PCDHA8: variants seen among roughly 807,000 people sequenced by gnomAD.
PCDHA8 encodes protocadherin alpha-8.
Under a neutral mutation model 61.8 loss-of-function variants are expected in PCDHA8, and 53 were observed. The ratio of observed to expected loss-of-function variants is 0.86; its 90% confidence interval spans 0.69 to 1.08. The LOEUF is 1.08. Ranked by LOEUF, PCDHA8 falls within the 50% of genes least tolerant of loss-of-function variation. The pLI is 0.00. For synonymous variants in PCDHA8, 618 were observed against 556.6 expected, an observed-to-expected ratio of 1.11 and a Z score of -1.55; for missense variants, 1,293 against 1,245.0, an observed-to-expected ratio of 1.04 and a Z score of -0.58.
rs199814121 is a variant in PCDHA8, at chr5:140,884,467, G to T, written c.2394+40752G>T. 3.9e-5 allele frequency: 63 copies of T among 1,613,778 alleles called. No individual in the cohort carries two copies. In the East Asian group the frequency reaches 1.3e-3, roughly 33 times the overall value. The stretch of plus-strand genomic sequence containing the variant: ...CACCGCCCACCGAGGGCGCGTGCGC[G>T]CCGGGCAAGCCCACTCTAGTGTGCT... On this transcript the variant is annotated intron_variant, in intron 1 of 3. Transcript: ENST00000531613.
chr5:140,901,331 G>A (rs545187943), intron 1 of PCDHA8, among the ~76,000 whole-genome samples: 66 of 152,062 alleles, frequency 4.3e-4, no homozygotes, highest in Non-Finnish European at 7.1e-4. Flanking sequence ...TCTTGTAGTC[G>A]TTTTATAGTT....
chr5:140,884,192 G>A, intron 1 of PCDHA8: 1 of 1,613,428 alleles, frequency 6.2e-7, no homozygotes, highest in Non-Finnish European at 8.5e-7. Context: ...CGAGGTGGAC[G>A]CGCCGCACCA....
At chr5:140,884,456 G>T in intron 1 of PCDHA8, 2 of 1,613,768 alleles carry the variant, frequency 1.2e-6, no homozygotes, top group Non-Finnish European at 1.7e-6. Context: ...GCCCACCGAG[G>T]GCGCGTGCGC....
At chr5:140,865,173 T>C (rs1230117656) in intron 1 of PCDHA8, 1 of 152,234 alleles carries the variant, frequency 6.6e-6, no homozygotes, top group African/African-American at 2.4e-5. Context: ...TGATGCAAAA[T>C]ATTTTTTGCC....
chr5:140,858,413 A>G lies in PCDHA8; in HGVS notation c.2394+14698A>G, dbSNP rs150984635. 3.9e-4 allele frequency: 609 copies of G among 1,562,348 alleles called. 39 individuals are homozygous for G. The African/African-American group carries it at 7.5e-3, about 19-fold the overall frequency. On this transcript the variant is annotated intron_variant, in intron 1 of 3. Transcript: ENST00000531613. Reference sequence around the variant, plus strand: ...AGATGTGGACGGGGAAGATCAGTCTATTGGAGGGGACCACTCTAGGAAGGT... The same window carrying G: ...AGATGTGGACGGGGAAGATCAGTCTGTTGGAGGGGACCACTCTAGGAAGGT...
intron 1 of PCDHA8, among the ~76,000 whole-genome samples, chr5:140,908,703 C>T (rs751488038): frequency 5.9e-5 from 9 of 152,318 alleles, no homozygotes; most frequent in Non-Finnish European, 1.3e-4. Flanking sequence ...ACCTCAAGCA[C>T]CATTGGATCT....
intron 3 of PCDHA8, among the ~76,000 whole-genome samples, chr5:141,000,542 C>T (rs1331109215): frequency 6.7e-6 from 1 of 148,268 alleles, no homozygotes; most frequent in Non-Finnish European, 1.5e-5. Context: ...ATTCTCATGC[C>T]TCAAACTCCC....
At chr5:140,852,280 G>T in intron 1 of PCDHA8, 1 of 510,402 alleles carries the variant, frequency 2.0e-6, no homozygotes, top group Non-Finnish European at 2.6e-6. Flanking sequence ...CATGTTTTTT[G>T]TCTTTTTATT....
At chr5:140,902,189 C>T (rs2069172292) in intron 1 of PCDHA8, among the ~76,000 whole-genome samples, 1 of 145,890 alleles carries the variant, frequency 6.9e-6, no homozygotes, top group African/African-American at 2.6e-5. Flanking sequence ...TATGTCTTCT[C>T]TCTCTCTCTC....
intron 1 of PCDHA8, among the ~76,000 whole-genome samples, chr5:140,895,742 G>T (rs2065139471): frequency 6.6e-6 from 1 of 152,110 alleles, no homozygotes; most frequent in South Asian, 2.1e-4. Context: ...GGGCTGCAAA[G>T]GGCATGATCT....
At chr5:140,938,476 T>A (rs1393084209) in intron 1 of PCDHA8, among the ~76,000 whole-genome samples, 2 of 152,194 alleles carry the variant, frequency 1.3e-5, no homozygotes, top group African/African-American at 2.4e-5. Context: ...TTATGTTTTT[T>A]AAAAATCATG....
At chr5:140,988,600 T>C (rs962869761) in intron 3 of PCDHA8, among the ~76,000 whole-genome samples, 15 of 152,214 alleles carry the variant, frequency 9.9e-5, no homozygotes, top group Non-Finnish European at 1.8e-4. Context: ...AATGGTCATG[T>C]AAATAAAAGA....
chr5:140,962,554 C>T lies in PCDHA8; in HGVS notation c.2395-16395C>T, dbSNP rs567554880. ...TTAGAACTAAAAATGTAGAGGATCTCCCCCTAAAAGCCAATTGTTAATGCC... is the reference window on the plus strand; with the variant it reads ...TTAGAACTAAAAATGTAGAGGATCTTCCCCTAAAAGCCAATTGTTAATGCC... On this transcript the variant is annotated intron_variant, in intron 1 of 3. Transcript: ENST00000531613. 3.9e-5 allele frequency among the ~76,000 whole-genome samples: 6 copies of T among 152,284 alleles called. No individual in the cohort carries two copies. The South Asian group carries it at 1.2e-3, about 32-fold the overall frequency.
intron 1 of PCDHA8, chr5:140,929,425 A>G (rs2086148550): frequency 6.7e-7 from 1 of 1,496,844 alleles, no homozygotes. Context: ...CATTTCATCA[A>G]TTGAACTAAA....
intron 3 of PCDHA8, among the ~76,000 whole-genome samples, chr5:140,990,425 T>G (rs1268987059): frequency 6.6e-6 from 1 of 152,214 alleles, no homozygotes; most frequent in Non-Finnish European, 1.5e-5. Context: ...CAACCAGCAT[T>G]GACCCAATCT....
At chr5:140,851,681 T>C (rs1405649457) in intron 1 of PCDHA8, 22 of 923,332 alleles carry the variant, frequency 2.4e-5, no homozygotes, top group Non-Finnish European at 2.8e-5. Flanking sequence ...ATTTTCTCCA[T>C]TCAGTGATAA....
intron 1 of PCDHA8, among the ~76,000 whole-genome samples, chr5:140,896,143 T>C (rs932166066): frequency 2.6e-5 from 4 of 152,198 alleles, no homozygotes; most frequent in Non-Finnish European, 5.9e-5. Context: ...CAGTGCACCA[T>C]TGATGGGCAT....
At chr5:140,850,631 T>A (rs2150491599) in intron 1 of PCDHA8, 1 of 1,598,518 alleles carries the variant, frequency 6.3e-7, no homozygotes, top group South Asian at 1.1e-5. Flanking sequence ...GCCTGTTGGT[T>A]CTCACGCTGC....
At chr5:140,983,299 A>T (rs1554245269) in intron 3 of PCDHA8, among the ~76,000 whole-genome samples, 1 of 152,186 alleles carries the variant, frequency 6.6e-6, no homozygotes. Flanking sequence ...GCTTAAACTC[A>T]CATTTGCTTG....
Sources: allele counts gnomAD v4.1 joint callset (sites outside exome capture counted in the v4.1 genomes callset), GRCh38; gene constraint gnomAD v4.1.1; transcripts MANE v1.5; gene names NCBI Gene and HGNC (gene_info 2026-07-23, HGNC 2026-07-21).